Variants in CPNE2 observed in about 807,000 individuals in gnomAD.
The protein encoded by CPNE2 is copine 2.
CPNE2 carries 42 observed loss-of-function variants against 69.7 expected under a neutral mutation model. That is an observed-to-expected ratio of 0.60 (90% CI 0.47 to 0.78). CPNE2 has a LOEUF of 0.78. Ranked by LOEUF, CPNE2 falls within the 30% of genes least tolerant of loss-of-function variation. The probability of loss-of-function intolerance (pLI) is 0.00; values close to 1 mark genes in which losing one functional copy is unlikely to be tolerated. For missense variants in CPNE2, 587 were observed against 732.0 expected, an observed-to-expected ratio of 0.80 and a Z score of 2.29; for synonymous variants, 294 against 289.8, an observed-to-expected ratio of 1.01 and a Z score of -0.15.
intron 14 of CPNE2, among the ~76,000 whole-genome samples, chr16:57,137,560 C>T (rs1479545578): frequency 6.6e-6 from 1 of 152,142 alleles, no homozygotes; most frequent in Non-Finnish European, 1.5e-5. Flanking sequence ...GTTATTCCCA[C>T]AAGAGTAACA....
chr16:57,134,725 C>T (rs2069864778), intron 12 of CPNE2, 50 bp from the exon 13 acceptor site: 2 of 1,609,982 alleles, frequency 1.2e-6, no homozygotes, highest in Middle Eastern at 1.7e-4. Flanking sequence ...TGGCCTGGGT[C>T]TGGGTTTGGG....
intron 11 of CPNE2, 58 bp from the exon 12 acceptor site, chr16:57,127,791 A>T: frequency 1.3e-6 from 2 of 1,564,596 alleles, no homozygotes; most frequent in Non-Finnish European, 1.8e-6. Context: ...CCCTGGGCAG[A>T]GGGTCGGGTG....
chr16:57,102,262 C>G (rs2069619614), intron 1 of CPNE2, among the ~76,000 whole-genome samples: 1 of 152,156 alleles, frequency 6.6e-6, no homozygotes, highest in African/African-American at 2.4e-5. Context: ...TGCTGCATTT[C>G]TAGCAGGCTC....
At chr16:57,113,596 G>A (rs925176294) in intron 3 of CPNE2, 129 bp downstream of exon 3, 4 of 979,804 alleles carry the variant, frequency 4.1e-6, no homozygotes, top group Admixed American at 2.7e-5. Flanking sequence ...ATGCAGAGTG[G>A]GGAACAGTCT....
chr16:57,121,043 A>G lies in CPNE2; in HGVS notation c.682-50A>G, dbSNP rs1335176438. On this transcript the variant is annotated intron_variant, in intron 7 of 15. Coordinates refer to ENST00000290776, the MANE Select transcript of CPNE2 (RefSeq NM_152727.6). Reference sequence around the variant, plus strand: ...CTTGGGGAGTTGAGAGGGGCTGGAGAGCACCTCTTGGGGGACAGCTCTGGG... The same window carrying G: ...CTTGGGGAGTTGAGAGGGGCTGGAGGGCACCTCTTGGGGGACAGCTCTGGG... 3 of 1,419,636 alleles carry G rather than the reference A, an allele frequency of 2.1e-6. No individual in the cohort carries two copies. The East Asian group carries it at 7.0e-5, about 33-fold the overall frequency. The allele number at this position is 1,419,636 out of a possible 1,614,324, so 87.9% of individuals were successfully genotyped here.
intron 12 of CPNE2, among the ~76,000 whole-genome samples, chr16:57,131,897 C>A (rs1437598273): frequency 6.6e-6 from 1 of 152,236 alleles, no homozygotes; most frequent in Admixed American, 6.5e-5. Flanking sequence ...GAGTGGCCTG[C>A]CCTCTGGGAG....
At chr16:57,147,294 T>G in intron 15 of CPNE2, 1 of 366,178 alleles carries the variant, frequency 2.7e-6, no homozygotes, top group Non-Finnish European at 4.9e-6. Flanking sequence ...TCCTAACCCG[T>G]TACTCCCAAG....
intron 14 of CPNE2, chr16:57,141,289 G>A (rs2069920995): frequency 6.6e-6 from 1 of 152,310 alleles, no homozygotes; most frequent in Admixed American, 6.5e-5. Flanking sequence ...GCTCCCCAGA[G>A]GGAAGAAGCA....
In CPNE2 at chr16:57,093,936, C is replaced by T; in HGVS notation, c.-36+1146C>T. The T allele has an allele frequency of 1.9e-5, 8 of 418,252 alleles. 1 individual carries two copies. Among genetic ancestry groups the T allele is most frequent in the Middle Eastern group, 3.5e-4 (1 of 2,848 alleles). The allele number at this position is 418,252 out of a possible 1,614,324, so 25.9% of individuals were successfully genotyped here. The stretch of plus-strand genomic sequence containing the variant: ...CTGGGAGACCTGGGTCTGAACCCCA[C>T]CTATGACCAACAGGGAACTTGGCCC... On this transcript the variant is annotated intron_variant, in intron 1 of 15. Coordinates refer to ENST00000290776, the MANE Select transcript of CPNE2 (RefSeq NM_152727.6).
intron 12 of CPNE2, among the ~76,000 whole-genome samples, chr16:57,134,033 C>A (rs1285082359): frequency 6.6e-6 from 1 of 152,176 alleles, no homozygotes; most frequent in African/African-American, 2.4e-5. Flanking sequence ...GCAGTCTCAC[C>A]CACAGCCCTG....
Position 57,134,890 on chromosome 16 carries a change from G to A in CPNE2, c.1168+64G>A, listed in dbSNP as rs1047278879. ...TACGGGCCTGGCCAGCTCCCTGGGT[G>A]GAGGGAGGGCAGAGGACAGGTTTTC... On this transcript the variant is annotated intron_variant, in intron 13 of 15. Transcript: ENST00000290776. 3 of 1,529,386 alleles carry A rather than the reference G, an allele frequency of 2.0e-6. No individual in the cohort carries two copies. The South Asian group carries it at 3.4e-5, about 17-fold the overall frequency. The allele number at this position is 1,529,386 out of a possible 1,614,324, so 94.7% of individuals were successfully genotyped here. A position where few individuals can be genotyped will look rare whatever the true frequency, so the allele number is the denominator to read the frequency against.
chr16:57,096,184 T>C (rs755521188), intron 1 of CPNE2, among the ~76,000 whole-genome samples: 50 of 152,252 alleles, frequency 3.3e-4, no homozygotes, highest in Non-Finnish European at 6.8e-4. Flanking sequence ...GAGGGATCTC[T>C]GGCTTACCAT....
At position 57,146,947 on chromosome 16, in the gene CPNE2, A is replaced by C. The variant is rs1259043784; in HGVS notation, c.1540-604A>C. 6.5e-6 allele frequency: 1 copy of C among 153,444 alleles called. No homozygotes were observed. The highest frequency in any genetic ancestry group is 2.4e-5 in the African/African-American group (1 of 41,442). 9.5% of individuals were successfully genotyped at this position (153,444 alleles called of 1,614,324 possible). On this transcript the variant is annotated intron_variant, in intron 15 of 15. Transcript: ENST00000290776. The surrounding 1 kb of genome is among the most constrained non-coding windows in gnomAD (Gnocchi z 4.4). ...TCTCTCCACTGTACCGCTGTACTGTAATGCCACCCCCATACTGCTGGCTGG... is the reference window on the plus strand; with the variant it reads ...TCTCTCCACTGTACCGCTGTACTGTCATGCCACCCCCATACTGCTGGCTGG...
At position 57,125,885 on chromosome 16, in the gene CPNE2, A is replaced by C. The variant is rs1157040049; in HGVS notation, c.953A>C (p.Asn318Thr). Residue 318 changes from asparagine (N) to threonine (T), a missense_variant, in exon 11 of 16, where the codon AAC becomes ACC. Physicochemically the swap from Asn to Thr is moderately conservative, Grantham distance 65. Transcript: ENST00000290776. Reference protein sequence around the residue: ...FTVGIDFTASNGNPLDPSSLH... With the variant: ...FTVGIDFTASTGNPLDPSSLH... The stretch of plus-strand genomic sequence containing the variant: ...GTTGGAATAGACTTTACAGCCTCCA[A>C]CGGGAATCCCCTCGACCCTTCCTCT... 6.2e-7 allele frequency: 1 copy of C among 1,614,168 alleles called. No homozygotes were observed. The highest frequency in any genetic ancestry group is 8.5e-7 in the Non-Finnish European group (1 of 1,180,026).
intron 14 of CPNE2, chr16:57,141,541 G>A (rs2069922685): frequency 6.6e-6 from 1 of 152,278 alleles, no homozygotes; most frequent in Admixed American, 6.5e-5. Context: ...GAACAGATAA[G>A]GCCATTCTCT....
At chr16:57,141,694 A>G (rs1217911811) in intron 14 of CPNE2, 5 of 152,194 alleles carry the variant, frequency 3.3e-5, no homozygotes, top group African/African-American at 1.2e-4. Context: ...GAGAGCAGGT[A>G]GCTTAAACTC....
intron 10 of CPNE2, chr16:57,124,525 C>T (rs930420013): frequency 2.7e-6 from 1 of 368,056 alleles, no homozygotes; most frequent in African/African-American, 2.1e-5. Flanking sequence ...CCAACCCCAG[C>T]ATATCACACA....
chr16:57,127,788 C>T (rs2069811051), intron 11 of CPNE2, 61 bp from the exon 12 acceptor site: 1 of 1,552,624 alleles, frequency 6.4e-7, no homozygotes, highest in Admixed American at 1.7e-5. Flanking sequence ...CAGCCCTGGG[C>T]AGAGGGTCGG....
chr16:57,125,438 T>G, intron 10 of CPNE2: 1 of 445,016 alleles, frequency 2.2e-6, no homozygotes, highest in Non-Finnish European at 4.6e-6. Context: ...CTGGGAAGGT[T>G]GCAGTGGAGC....
Sources: allele counts gnomAD v4.1 joint callset (sites outside exome capture counted in the v4.1 genomes callset), GRCh38; gene constraint gnomAD v4.1.1; non-coding constraint Gnocchi (gnomAD v3.1); transcripts MANE v1.5; gene names NCBI Gene and HGNC (gene_info 2026-07-23, HGNC 2026-07-21).